Variants in CTSF observed in about 807,000 individuals in gnomAD.
CTSF encodes the protein cathepsin F.
In CTSF, 65 loss-of-function variants were observed where a neutral mutation model predicts 63.5. The observed-to-expected ratio is 1.02, with a 90% CI of 0.84 to 1.26. The LOEUF (loss-of-function observed/expected upper bound fraction) is 1.26, where lower values mean the gene tolerates loss of function less well. Among genes scored for constraint, CTSF ranks in the 50% most tolerant of loss-of-function variants. CTSF has a pLI of 0.00. For synonymous variants in CTSF, 256 were observed against 258.1 expected (o/e 0.99, Z 0.08); for missense variants, 641 against 631.0 (o/e 1.02, Z -0.17).
In CTSF at chr11:66,563,940, A is replaced by C. The variant is rs1590814414; in HGVS notation, c.1448T>G (p.Val483Gly). 6.2e-7 allele frequency: 1 copy of C among 1,612,592 alleles called. No individual in the cohort carries two copies. ...GVNTMASSAV[V>G]D ...CGAGCTGGGGGCCCCTCTTCAGTCC[A>C]CCACCGCCGAGCTGGCCATGGTGTT... The change falls in exon 13 of 13, where the codon GTG becomes GGG. Residue 483 changes from valine (V) to glycine (G), a missense_variant. Physicochemically the swap from Val to Gly is moderately radical, Grantham distance 109 (BLOSUM62 -3). Coordinates refer to ENST00000310325, the MANE Select transcript of CTSF (RefSeq NM_003793.4).
At position 66,567,248 on chromosome 11, in the gene CTSF, T is replaced by A; in HGVS notation, c.605A>T (p.Glu202Val). The change falls in exon 4 of 13, where the codon GAA (glutamate) becomes GTA (valine). Residue 202 changes from glutamate to valine, a missense_variant and splice_region_variant. By Grantham distance (121) the Glu-to-Val change is moderately radical. Coordinates refer to ENST00000310325, the MANE Select transcript of CTSF (RefSeq NM_003793.4). ...TACAGCCAAGGCTGGGTCCTCACCT[T>A]CCTTTGACTCATATGTCCGGTTATA... ...ITYNRTYESK[E>V]EARWRLSVFV... 6.2e-7 allele frequency: 1 copy of A among 1,614,196 alleles called. No individual in the cohort carries two copies. The highest frequency in any genetic ancestry group is 1.1e-5 in the South Asian group (1 of 91,088).
At chr11:66,565,955 A>G in intron 6 of CTSF, 28 bp from the exon 7 acceptor site, 1 of 1,614,154 alleles carries the variant, frequency 6.2e-7, no homozygotes. Context: ...AGTTGGAGTC[A>G]GAGCCGGGCC....
intron 3 of CTSF, 50 bp downstream of exon 3, chr11:66,567,394 C>T: frequency 6.2e-7 from 1 of 1,612,320 alleles, no homozygotes; most frequent in Non-Finnish European, 8.5e-7. Context: ...GGTGATGAGG[C>T]AGCGGCTGGC....
rs757455465 is a variant in CTSF at position 66,564,911 on chromosome 11, C to T, written c.1141G>A (p.Val381Met). ...EKAKVYINDS[V>M]ELSQNEQKLA... The stretch of plus-strand genomic sequence containing the variant: ...CTCTGCTCGTTCTGGCTCAGCTCCA[C>T]GGAGTCATTGATGTAGACCTTGGCC... The change falls in exon 9 of 13, where the codon GTG (valine) becomes ATG (methionine). Residue 381 changes from valine to methionine, a missense_variant. Coordinates refer to ENST00000310325, the MANE Select transcript of CTSF (RefSeq NM_003793.4). 1.2e-5 allele frequency: 19 copies of T among 1,610,802 alleles called. No homozygotes were observed. In the East Asian group the frequency reaches 2.0e-4, roughly 17 times the overall value.
In CTSF at chr11:66,565,832, C is replaced by G. The variant is rs893705162; in HGVS notation, c.963G>C (p.Gln321His). Residue 321 changes from glutamine to histidine, a missense_variant and splice_region_variant, in exon 7 of 13, where the codon CAG becomes CAC. By Grantham distance (24) the Gln-to-His change is conservative. Transcript: ENST00000310325. ...AGAGGAGTAGAGCGAGATGCTCACC[C>G]TGTTCAGAGAGGGAGAGCAGGGTCC... ...NQGTLLSLSEQELLDCDKMDK... is the reference protein window; with the variant it reads ...NQGTLLSLSEHELLDCDKMDK... The G allele has an allele frequency of 6.2e-7, 1 of 1,614,000 alleles. No individual in the cohort carries two copies. Among genetic ancestry groups the G allele is most frequent in the Non-Finnish European group, 8.5e-7 (1 of 1,180,038 alleles).
Position 66,564,564 on chromosome 11 carries a change from C to T in CTSF, c.1315G>A (p.Gly439Ser), listed in dbSNP as rs140795906. 8.5e-5 allele frequency: 133 copies of T among 1,559,938 alleles called. No individual in the cohort carries two copies. Among genetic ancestry groups the T allele is most frequent in the African/African-American group, 7.6e-4 (56 of 73,698 alleles). ...IDHAVLLVGY[G>S]NRSDVPFWAI... ...GACAGGCAGCGGAACTCACGGTTGC[C>T]GTAGCCCACAAGCAACACCGCATGG... Residue 439 changes from glycine (G) to serine (S), a missense_variant, in exon 11 of 13, where the codon GGC (glycine) becomes AGC (serine). By Grantham distance (56) the Gly-to-Ser change is moderately conservative (BLOSUM62 0). Coordinates refer to ENST00000310325, the MANE Select transcript of CTSF (RefSeq NM_003793.4).
At chr11:66,565,790 G>A (rs760955343) in intron 7 of CTSF, 39 bp from the exon 8 acceptor site, 14 of 1,613,942 alleles carry the variant, frequency 8.7e-6, no homozygotes, top group Middle Eastern at 1.7e-4. Flanking sequence ...GCCCTCCTGA[G>A]GGGCTAGGCT....
In CTSF at chr11:66,563,711, A is replaced by G. The variant is rs921531837; in HGVS notation, c.*222T>C. 1.5e-5 allele frequency: 9 copies of G among 613,152 alleles called. No homozygotes were observed. In the South Asian group the frequency reaches 1.8e-4, roughly 12 times the overall value. The allele number at this position is 613,152 out of a possible 1,614,324, so 38.0% of individuals were successfully genotyped here. On this transcript the variant is annotated 3_prime_UTR_variant, in exon 13 of 13. Transcript: ENST00000310325. Reference sequence around the variant, plus strand: ...CACCCTTCACCCCGACATCCTCCTAAGCTACCACAATTCAACAAAGGTGCA... The same window carrying G: ...CACCCTTCACCCCGACATCCTCCTAGGCTACCACAATTCAACAAAGGTGCA...
At chr11:66,565,125 C>T in intron 8 of CTSF, 119 bp from the exon 9 acceptor site, 1 of 1,460,910 alleles carries the variant, frequency 6.8e-7, no homozygotes, top group South Asian at 1.4e-5. Context: ...GGCCACAGGC[C>T]ATCCCCTCTG....
intron 11 of CTSF, 76 bp downstream of exon 11, chr11:66,564,482 T>C (rs1857880921): frequency 6.1e-6 from 8 of 1,315,152 alleles, no homozygotes; most frequent in Non-Finnish European, 8.3e-6. Flanking sequence ...CTATTTCCCC[T>C]CTAGAGGACC....
intron 8 of CTSF, 62 bp downstream of exon 8, chr11:66,565,609 A>C (rs1857910550): frequency 3.7e-6 from 6 of 1,600,724 alleles, no homozygotes; most frequent in Admixed American, 3.3e-5. Context: ...CCCATTATGA[A>C]GTAACTTCTT....
chr11:66,564,930 C>G lies in CTSF; in HGVS notation c.1122G>C (p.Lys374Asn). Reference protein sequence around the residue: ...QSCNFSAEKAKVYINDSVELS... With the variant: ...QSCNFSAEKANVYINDSVELS... Reference sequence around the variant, plus strand: ...GCTCCACGGAGTCATTGATGTAGACCTTGGCCTTCTCTGCTGAGAAGTTGC... The same window carrying G: ...GCTCCACGGAGTCATTGATGTAGACGTTGGCCTTCTCTGCTGAGAAGTTGC... The change falls in exon 9 of 13, where the codon AAG becomes AAC. Residue 374 changes from lysine to asparagine, a missense_variant. Lys to Asn is a moderately conservative substitution (Grantham distance 94, BLOSUM62 0). Transcript: ENST00000310325. The G allele has an allele frequency of 1.2e-6, 2 of 1,605,630 alleles. No individual in the cohort carries two copies. The highest frequency in any genetic ancestry group is 1.7e-6 in the Non-Finnish European group (2 of 1,173,654).
chr11:66,567,340 C>A lies in CTSF; in HGVS notation c.532-19G>T. 1 of 1,614,098 alleles carries A rather than the reference C, an allele frequency of 6.2e-7. No homozygotes were observed. Among genetic ancestry groups the A allele is most frequent in the Non-Finnish European group, 8.5e-7 (1 of 1,179,970 alleles). ...GCAAGTCCTGGATAGGCAGACCAGT[C>A]TTTAGGCTGACCAGAGAAACCCACT... On this transcript the variant is annotated intron_variant, in intron 3 of 12. Transcript: ENST00000310325.
In CTSF at chr11:66,566,062, T is replaced by A; in HGVS notation, c.827A>T (p.Asp276Val). Residue 276 changes from aspartate to valine, a missense_variant, in exon 6 of 13, where the codon GAC becomes GTC. Physicochemically the swap from Asp to Val is radical, Grantham distance 152. Transcript: ENST00000310325. The stretch of plus-strand genomic sequence containing the variant: ...TGTGACAGCCCCCTTACTCCTCCAG[T>A]CCCATTCAGGTGGGGCGAGGTCACC... Reference protein sequence around the residue: ...SVGDLAPPEWDWRSKGAVTKV... With the variant: ...SVGDLAPPEWVWRSKGAVTKV... The A allele has an allele frequency of 6.2e-7, 1 of 1,614,130 alleles. No individual in the cohort carries two copies. The highest frequency in any genetic ancestry group is 8.5e-7 in the Non-Finnish European group (1 of 1,180,014).
chr11:66,563,732 G>T lies in CTSF; in HGVS notation c.*201C>A. 1.6e-6 allele frequency: 1 copy of T among 635,174 alleles called. No individual in the cohort carries two copies. Among genetic ancestry groups the T allele is most frequent in the Non-Finnish European group, 2.7e-6 (1 of 368,276 alleles). The allele number at this position is 635,174 out of a possible 1,614,324, so 39.3% of individuals were successfully genotyped here. A position where few individuals can be genotyped will look rare whatever the true frequency, so the allele number is the denominator to read the frequency against. On this transcript the variant is annotated 3_prime_UTR_variant, in exon 13 of 13. Transcript: ENST00000310325. ...CCTAAGCTACCACAATTCAACAAAGGTGCAGGTGCAGAACTTCAGGGTGGG... is the reference window on the plus strand; with the variant it reads ...CCTAAGCTACCACAATTCAACAAAGTTGCAGGTGCAGAACTTCAGGGTGGG...
In CTSF at chr11:66,566,134, A is replaced by T; in HGVS notation, c.755T>A (p.Leu252His). 1 of 1,614,032 alleles carries T rather than the reference A, an allele frequency of 6.2e-7. No individual in the cohort carries two copies. The highest frequency in any genetic ancestry group is 8.5e-7 in the Non-Finnish European group (1 of 1,179,980). The change falls in exon 6 of 13, where the codon CTC becomes CAC. Residue 252 changes from leucine (L) to histidine (H), a missense_variant. Physicochemically the swap from Leu to His is moderately conservative, Grantham distance 99. Transcript: ENST00000310325. ...EEFRTIYLNT[L>H]LRKEPGNKMK... is the part of the protein sequence containing the mutation. ...CTTGTTGCCAGGCTCTTTCCTCAGGAGAGTATTCAGGTAGATAGTGCGGAA... is the reference window on the plus strand; with the variant it reads ...CTTGTTGCCAGGCTCTTTCCTCAGGTGAGTATTCAGGTAGATAGTGCGGAA...
Position 66,568,565 on chromosome 11 carries a change from C to T in CTSF, c.-79G>A. On this transcript the variant is annotated 5_prime_UTR_variant, in exon 1 of 13. Transcript: ENST00000310325. ...GGTACCGAGCCCGCGGCCAGCGGGG[C>T]CTGAGTCCTCCCTCCAGCGGGGCGA... 11 of 1,413,996 alleles carry T rather than the reference C, an allele frequency of 7.8e-6. No individual in the cohort carries two copies. Among genetic ancestry groups the T allele is most frequent in the Non-Finnish European group, 9.2e-6 (10 of 1,082,266 alleles). 87.6% of individuals were successfully genotyped at this position (1,413,996 alleles called of 1,614,324 possible). A position where few individuals can be genotyped will look rare whatever the true frequency, so the allele number is the denominator to read the frequency against.
intron 6 of CTSF, 35 bp downstream of exon 6, chr11:66,565,987 T>C: frequency 6.2e-7 from 1 of 1,614,048 alleles, no homozygotes. Flanking sequence ...CCCAGTGCAG[T>C]GCCCATGTCC....
intron 1 of CTSF, 78 bp from the exon 2 acceptor site, chr11:66,568,160 T>C: frequency 1.9e-6 from 3 of 1,559,866 alleles, no homozygotes; most frequent in Non-Finnish European, 2.6e-6. Context: ...GCGCTGCCCA[T>C]TCCCCATCAC....
Sources: allele counts gnomAD v4.1 joint callset, GRCh38; gene constraint gnomAD v4.1.1; transcripts MANE v1.5; gene names NCBI Gene and HGNC (gene_info 2026-07-23, HGNC 2026-07-21).